The following PDE10A variants were observed in gnomAD, a reference collection of about 807,000 sequenced individuals.
PDE10A encodes phosphodiesterase 10A, also known as cAMP and cAMP-inhibited cGMP 3',5'-cyclic phosphodiesterase 10A.
A neutral mutation model predicts 97.7 loss-of-function variants in PDE10A; 39 were observed. That is an observed-to-expected ratio of 0.40 (90% CI 0.31 to 0.52). The LOEUF is 0.52. PDE10A is among the 20% of genes least tolerant of loss of function. The probability of loss-of-function intolerance (pLI) is 0.56; values close to 1 mark genes in which losing one functional copy is unlikely to be tolerated. For synonymous variants in PDE10A, 371 were observed against 376.8 expected, an observed-to-expected ratio of 0.98 and a Z score of 0.18; for missense variants, 731 against 1,047.8, an observed-to-expected ratio of 0.70 and a Z score of 4.17.
intron 2 of PDE10A, among the ~76,000 whole-genome samples, chr6:165,515,523 C>CTTT (rs376897417): frequency 1.0e-4 from 13 of 124,522 alleles, no homozygotes; most frequent in East Asian, 4.6e-4. Flanking sequence ...TGCTTTTGTT[C>CTTT]TTTTTTTTTT....
intron 1 of PDE10A, among the ~76,000 whole-genome samples, chr6:165,721,750 A>G (rs1371347305): frequency 1.3e-5 from 2 of 152,246 alleles, no homozygotes; most frequent in African/African-American, 2.4e-5. Flanking sequence ...TATCTGTGCA[A>G]ATATCACCTG....
chr6:165,812,028 A>AT (rs1779297324), intron 1 of PDE10A, among the ~76,000 whole-genome samples: 1 of 151,918 alleles, frequency 6.6e-6, no homozygotes, highest in African/African-American at 2.4e-5. Context: ...AATTATTTGT[A>AT]TTTTTAATAG....
chr6:165,512,793 C>T (rs1345188004), intron 2 of PDE10A, among the ~76,000 whole-genome samples: 1 of 151,934 alleles, frequency 6.6e-6, no homozygotes, highest in Admixed American at 6.6e-5. Flanking sequence ...ATTTTATTTT[C>T]CCAAAAGTAA....
intron 6 of PDE10A, among the ~76,000 whole-genome samples, chr6:165,433,886 A>G (rs994954140): frequency 3.3e-5 from 5 of 151,758 alleles, no homozygotes; most frequent in East Asian, 1.9e-4. Flanking sequence ...GCGCGGTGGC[A>G]GGCGCCTGTA....
chr6:165,979,795 C>T (rs117768823), intron 1 of PDE10A, among the ~76,000 whole-genome samples: 7 of 152,266 alleles, frequency 4.6e-5, no homozygotes, highest in South Asian at 2.1e-4. Flanking sequence ...GCGAAAGTCA[C>T]GACACTCAGA....
chr6:165,943,234 AGAAG>A lies in PDE10A; in HGVS notation c.-615+44291_-615+44294del, dbSNP rs1192602938. Among the ~76,000 whole-genome samples, 335 of 34,026 alleles carry A rather than the reference AGAAG, an allele frequency of 9.8e-3. 18 individuals are homozygous for A. The highest frequency in any genetic ancestry group is 0.038 in the East Asian group (61 of 1,602). The allele number at this position is 34,026 out of a possible 152,430, so 22.3% of individuals were successfully genotyped here. On this transcript the variant is annotated intron_variant, in intron 1 of 19. Transcript: ENST00000366882. ...AAGAAAGAAAGAAAGAAAGAAAGAA[AGAAG>A]GAAGGAAGGAAGGAAGGAAGGAAGG...
chr6:165,555,885 C>T (rs909689152), intron 1 of PDE10A, among the ~76,000 whole-genome samples: 1 of 152,168 alleles, frequency 6.6e-6, no homozygotes, highest in Non-Finnish European at 1.5e-5. Flanking sequence ...AAGACAAGTA[C>T]AGTTGACACT....
At chr6:165,379,714 CTT>C (rs1784822159) in intron 17 of PDE10A, among the ~76,000 whole-genome samples, 2 of 152,200 alleles carry the variant, frequency 1.3e-5, no homozygotes, top group African/African-American at 2.4e-5. Context: ...AAGTTAAAGA[CTT>C]TTCCTCTTAA....
At chr6:165,754,625 A>C (rs1056487593) in intron 1 of PDE10A, among the ~76,000 whole-genome samples, 1 of 152,192 alleles carries the variant, frequency 6.6e-6, no homozygotes, top group Non-Finnish European at 1.5e-5. Context: ...AATATAAAAC[A>C]GTTATATTAC....
At chr6:165,501,866 G>A (rs180767823) in intron 2 of PDE10A, among the ~76,000 whole-genome samples, 38 of 152,272 alleles carry the variant, frequency 2.5e-4, no homozygotes, top group Admixed American at 4.6e-4. Flanking sequence ...AAATAAATAA[G>A]TTGTAGAAGT....
At chr6:165,489,728 G>C (rs1780117746) in intron 2 of PDE10A, among the ~76,000 whole-genome samples, 1 of 152,090 alleles carries the variant, frequency 6.6e-6, no homozygotes, top group Non-Finnish European at 1.5e-5. Context: ...AAAATCTCTA[G>C]TGAAATAGAC....
rs1388648605 is a variant in PDE10A, at chr6:165,723,434, A to G, written c.-614-179866T>C. ...TTACAACGTGACTGTGCTGCAAAAA[A>G]TAGTGCGGTTTCCTTGTCCTTGTTC... On this transcript the variant is annotated intron_variant, in intron 1 of 19. Coordinates refer to the PDE10A transcript ENST00000366882. Among the ~76,000 whole-genome samples, 4 of 152,196 alleles carry G rather than the reference A, an allele frequency of 2.6e-5. No individual in the cohort carries two copies. In the East Asian group the frequency reaches 5.8e-4, roughly 22 times the overall value.
intron 1 of PDE10A, among the ~76,000 whole-genome samples, chr6:165,751,094 C>T (rs980454494): frequency 6.6e-6 from 1 of 152,154 alleles, no homozygotes; most frequent in African/African-American, 2.4e-5. Flanking sequence ...GGAGCCATGG[C>T]CTCAGTGGGT....
Position 165,413,575 on chromosome 6 carries a change from C to A in PDE10A, c.2002G>T (p.Ala668Ser), listed in dbSNP as rs746330386. ...TTGTTTTCATCTGTTTTAGAGAAGGCACTGCCACTGATTTTGTTGACCATC... is the reference window on the plus strand; with the variant it reads ...TTGTTTTCATCTGTTTTAGAGAAGGAACTGCCACTGATTTTGTTGACCATC... ...VQMVNKISGS[A>S]FSKTDENNFK... The change falls in exon 13 of 22, where the codon GCC becomes TCC. Residue 668 changes from alanine to serine, a missense_variant. By Grantham distance (99) the Ala-to-Ser change is moderately conservative. Around this residue, in one of 8 missense-constraint regions of PDE10A, gnomAD observed 108 missense variants for 199.8 expected, o/e 0.54. Coordinates refer to ENST00000539869, the MANE Select transcript of PDE10A (RefSeq NM_001385079.1). The A allele has an allele frequency of 2.5e-6, 4 of 1,614,120 alleles. No homozygotes were observed. The highest frequency in any genetic ancestry group is 3.4e-6 in the Non-Finnish European group (4 of 1,179,970).
intron 1 of PDE10A, among the ~76,000 whole-genome samples, chr6:165,751,870 T>C (rs1793008883): frequency 6.6e-6 from 1 of 151,876 alleles, no homozygotes; most frequent in African/African-American, 2.4e-5. Flanking sequence ...CCAGGCACGG[T>C]GGCTCATGCC....
intron 3 of PDE10A, among the ~76,000 whole-genome samples, 185 bp downstream of exon 3, chr6:165,482,130 T>C (rs544273862): frequency 2.0e-5 from 3 of 152,362 alleles, no homozygotes; most frequent in African/African-American, 2.4e-5. Flanking sequence ...GTACTCAGTC[T>C]TGAGGCCTTC....
chr6:165,734,096 AC>A (rs914717618), intron 1 of PDE10A, among the ~76,000 whole-genome samples: 1 of 152,180 alleles, frequency 6.6e-6, no homozygotes, highest in Non-Finnish European at 1.5e-5. Context: ...ACGTAGAAGG[AC>A]CCATCTGCTG....
intron 1 of PDE10A, among the ~76,000 whole-genome samples, chr6:165,658,460 T>C (rs544558246): frequency 5.1e-4 from 77 of 152,252 alleles, no homozygotes; most frequent in African/African-American, 1.8e-3. Context: ...CTTTATGTCA[T>C]CAGAGTAGCT....
chr6:165,734,264 G>A (rs778087826), intron 1 of PDE10A, among the ~76,000 whole-genome samples: 4 of 152,130 alleles, frequency 2.6e-5, no homozygotes, highest in Non-Finnish European at 1.5e-5. Context: ...GGGCTTCGGG[G>A]AGGTGACACG....
Sources: gnomAD v4.1 joint callset for allele counts (sites outside exome capture counted in the v4.1 genomes callset) on GRCh38, gnomAD v4.1.1 for gene constraint, gnomAD v4.1.1 regional missense constraint, MANE v1.5 for transcripts, NCBI Gene and HGNC (gene_info 2026-07-23, HGNC 2026-07-21) for gene names.